PEX19: variants seen among roughly 807,000 people sequenced by gnomAD.
PEX19 encodes peroxisomal biogenesis factor 19, also known as 33 kDa housekeeping protein.
In PEX19, 29 loss-of-function variants were observed where a neutral mutation model predicts 36.3. The ratio of observed to expected loss-of-function variants is 0.80; its 90% confidence interval spans 0.60 to 1.09. The LOEUF (loss-of-function observed/expected upper bound fraction) is 1.09. Among genes scored for constraint, PEX19 ranks in the 50% least tolerant of loss-of-function variants. The pLI is 0.00. For synonymous variants in PEX19, 141 were observed against 135.2 expected (o/e 1.04, Z -0.30); for missense variants, 396 against 368.1 (o/e 1.08, Z -0.62).
chr1:160,277,873 CA>C lies in PEX19; in HGVS notation c.*1677del. On this transcript the variant is annotated 3_prime_UTR_variant, in exon 8 of 8. Transcript: ENST00000368072. Reference sequence around the variant, plus strand: ...TCTCTGGCAGAACAGAGACGTTTTACATTCAGATCTGGGCTCTTCCATGCTC... The same window carrying C: ...TCTCTGGCAGAACAGAGACGTTTTACTTCAGATCTGGGCTCTTCCATGCTC... 1 of 649,948 alleles carries C rather than the reference CA, an allele frequency of 1.5e-6. No individual in the cohort carries two copies. The highest frequency in any genetic ancestry group is 2.8e-6 in the Non-Finnish European group (1 of 354,570). The allele number at this position is 649,948 out of a possible 1,614,324, so 40.3% of individuals were successfully genotyped here.
chr1:160,279,638 G>A lies in PEX19; in HGVS notation c.817-4C>T, dbSNP rs1657690071. ...GGTCAAAGTTGAGGCCAGGAGGCTG[G>A]GGAAGAGATGAAGGGACTCAGATAG... On this transcript the variant is annotated splice_polypyrimidine_tract_variant and splice_region_variant and intron_variant, in intron 7 of 7. Transcript: ENST00000368072. The A allele has an allele frequency of 1.2e-6, 2 of 1,613,306 alleles. No homozygotes were observed. Among genetic ancestry groups the A allele is most frequent in the Non-Finnish European group, 1.7e-6 (2 of 1,179,226 alleles).
At chr1:160,282,320 G>T in intron 4 of PEX19, 97 bp downstream of exon 4, 1 of 1,411,760 alleles carries the variant, frequency 7.1e-7, no homozygotes, top group Non-Finnish European at 1.0e-6. Flanking sequence ...GACAGCAACA[G>T]ACTTGGGATG....
chr1:160,283,363 A>T (rs1657864852), intron 2 of PEX19, among the ~76,000 whole-genome samples, 167 bp downstream of exon 2: 1 of 152,206 alleles, frequency 6.6e-6, no homozygotes, highest in Admixed American at 6.5e-5. Flanking sequence ...TCCCCCACTC[A>T]ACCTCAAGTC....
At position 160,280,264 on chromosome 1, in the gene PEX19, G is replaced by C. The variant is rs371272792; in HGVS notation, c.595-18C>G. On this transcript the variant is annotated intron_variant, in intron 5 of 7. Coordinates refer to ENST00000368072, the MANE Select transcript of PEX19 (RefSeq NM_002857.4). Reference sequence around the variant, plus strand: ...TCTGGATACTAAGAAAAGAGAGAATGGGTGGAAAAGAATTAAGTGAACAAT... The same window carrying C: ...TCTGGATACTAAGAAAAGAGAGAATCGGTGGAAAAGAATTAAGTGAACAAT... 1.0e-5 allele frequency: 16 copies of C among 1,607,202 alleles called. No homozygotes were observed. Among genetic ancestry groups the C allele is most frequent in the Non-Finnish European group, 1.4e-5 (16 of 1,173,848 alleles).
rs747627762 is a variant in PEX19, at chr1:160,285,085, C to G, written c.40G>C (p.Ala14Pro). The part of the protein sequence containing the change: ...AEEGCSVGAE[A>P]DRELEELLES... ...AGAAGCTCCTCCAATTCCCTGTCCG[C>G]TTCGGCCCCGACACTACAGCCTTCC... The change falls in exon 1 of 8, where the codon GCG (alanine) becomes CCG (proline). Residue 14 changes from alanine to proline, a missense_variant. Ala to Pro is a conservative substitution (Grantham distance 27). Transcript: ENST00000368072. 76 of 1,614,104 alleles carry G rather than the reference C, an allele frequency of 4.7e-5. No individual in the cohort carries two copies. Among genetic ancestry groups the G allele is most frequent in the East Asian group, 2.0e-4 (9 of 44,880 alleles).
chr1:160,278,347 C>A lies in PEX19; in HGVS notation c.*1204G>T, dbSNP rs773301990. On this transcript the variant is annotated 3_prime_UTR_variant, in exon 8 of 8. Coordinates refer to ENST00000368072, the MANE Select transcript of PEX19 (RefSeq NM_002857.4). ...ATGGCCATCCAGTCTCCTTTGCCAA[C>A]TGAGGTGCAGACTGAGTTGTGGAAG... is the stretch of plus-strand genomic sequence containing the variant. 1.5e-6 allele frequency: 1 copy of A among 687,610 alleles called. No individual in the cohort carries two copies. Among genetic ancestry groups the A allele is most frequent in the South Asian group, 1.5e-5 (1 of 66,578 alleles). 42.6% of individuals were successfully genotyped at this position (687,610 alleles called of 1,614,324 possible).
At position 160,277,200 on chromosome 1, in the gene PEX19, T is replaced by A; in HGVS notation, c.*2351A>T. ...AGACTTGTGCTGGTCAGTGAACACC[T>A]TTTTTTTTTTTTCACCAGTCTGTGA... On this transcript the variant is annotated 3_prime_UTR_variant, in exon 8 of 8. Coordinates refer to ENST00000368072, the MANE Select transcript of PEX19 (RefSeq NM_002857.4). 4.0e-6 allele frequency: 1 copy of A among 248,940 alleles called. No homozygotes were observed. The allele number at this position is 248,940 out of a possible 1,614,324, so 15.4% of individuals were successfully genotyped here.
Position 160,282,072 on chromosome 1 carries a change from C to T in PEX19, c.561G>A (p.Val187=). The T allele has an allele frequency of 1.2e-6, 2 of 1,614,096 alleles. No homozygotes were observed. Among genetic ancestry groups the T allele is most frequent in the South Asian group, 1.1e-5 (1 of 91,086 alleles). ...TGATCTCCTTCAGTGATGGGTACAGCACATCCTTGGAGAGTAGGTTCTGCA... is the reference window on the plus strand; with the variant it reads ...TGATCTCCTTCAGTGATGGGTACAGTACATCCTTGGAGAGTAGGTTCTGCA... ...SIMQNLLSKD[V]LYPSLKEITE... The change falls in exon 5 of 8, where the codon GTG becomes GTA. Residue 187 remains valine, a synonymous_variant. Transcript: ENST00000368072.
intron 7 of PEX19, 38 bp downstream of exon 7, chr1:160,279,763 G>A (rs370618357): frequency 3.1e-6 from 5 of 1,589,492 alleles, no homozygotes; most frequent in Non-Finnish European, 2.6e-6. Flanking sequence ...GGAAATTGGG[G>A]ACTCAAATTA....
At chr1:160,282,585 G>A in intron 3 of PEX19, 83 bp from the exon 4 acceptor site, 2 of 992,150 alleles carry the variant, frequency 2.0e-6, no homozygotes, top group Non-Finnish European at 3.2e-6. Context: ...TGGATATGAA[G>A]CATTTACTAG....
intron 5 of PEX19, 136 bp from the exon 6 acceptor site, chr1:160,280,382 A>T: frequency 1.2e-6 from 1 of 820,198 alleles, no homozygotes; most frequent in Non-Finnish European, 2.1e-6. Flanking sequence ...GTTCATCATG[A>T]AAAGCGGCAC....
intron 5 of PEX19, 97 bp from the exon 6 acceptor site, chr1:160,280,343 C>T (rs986578009): frequency 6.0e-6 from 7 of 1,165,508 alleles, no homozygotes; most frequent in African/African-American, 1.5e-5. Flanking sequence ...GGGAAAGGGA[C>T]GTAGAAAAAC....
At chr1:160,280,387 C>G in intron 5 of PEX19, 141 bp from the exon 6 acceptor site, 1 of 784,296 alleles carries the variant, frequency 1.3e-6, no homozygotes, top group Non-Finnish European at 2.2e-6. Flanking sequence ...TCATGAAAAG[C>G]GGCACTGACT....
chr1:160,285,106 C>G lies in PEX19; in HGVS notation c.19G>C (p.Gly7Arg). MAAAEEGCSVGAEADRE... is the reference protein window; with the variant it reads MAAAEERCSVGAEADRE... ...TCCGCTTCGGCCCCGACACTACAGC[C>G]TTCCTCAGCGGCGGCCATCTTGCTA... is the stretch of plus-strand genomic sequence containing the variant. The change falls in exon 1 of 8, where the codon GGC becomes CGC. Residue 7 changes from glycine (G) to arginine (R), a missense_variant. Gly to Arg is a moderately radical substitution (Grantham distance 125). Transcript: ENST00000368072. The G allele has an allele frequency of 1.9e-6, 3 of 1,614,062 alleles. No individual in the cohort carries two copies. Among genetic ancestry groups the G allele is most frequent in the Non-Finnish European group, 2.5e-6 (3 of 1,179,936 alleles).
intron 5 of PEX19, chr1:160,281,420 T>G (rs989139529): frequency 6.2e-6 from 1 of 160,736 alleles, no homozygotes; most frequent in African/African-American, 2.4e-5. Context: ...TAATTCTTTT[T>G]CTTTTTCAGA....
rs1421255769 is a variant in PEX19, at chr1:160,279,164, A to G, written c.*387T>C. On this transcript the variant is annotated 3_prime_UTR_variant, in exon 8 of 8. Transcript: ENST00000368072. ...CCAGGTCTCTGCCCCTCCTCCCCAG[A>G]TCCAAGAGAGGGAGTAGAGACAAGG... The G allele has an allele frequency of 2.2e-6, 1 of 456,788 alleles. No homozygotes were observed. Among genetic ancestry groups the G allele is most frequent in the Non-Finnish European group, 4.4e-6 (1 of 228,582 alleles). The allele number at this position is 456,788 out of a possible 1,614,324, so 28.3% of individuals were successfully genotyped here. A position where few individuals can be genotyped will look rare whatever the true frequency, so the allele number is the denominator to read the frequency against.
chr1:160,284,017 T>A (rs1454833196), intron 1 of PEX19: 2 of 462,962 alleles, frequency 4.3e-6, no homozygotes, highest in South Asian at 1.6e-5. Flanking sequence ...GATGTCCTCA[T>A]CCCTCTGAAC....
chr1:160,283,431 C>A, intron 2 of PEX19, 99 bp downstream of exon 2: 1 of 833,656 alleles, frequency 1.2e-6, no homozygotes, highest in South Asian at 1.7e-5. Context: ...GCCAAGGTAC[C>A]CTCCCACATT....
chr1:160,284,991 CT>C, intron 1 of PEX19, 63 bp downstream of exon 1: 2 of 1,200,452 alleles, frequency 1.7e-6, no homozygotes, highest in Admixed American at 3.4e-5. Context: ...CTCAGGTTCA[CT>C]TAACCCCCAG....
Sources: gnomAD v4.1 joint callset for allele counts (sites outside exome capture counted in the v4.1 genomes callset) on GRCh38, gnomAD v4.1.1 for gene constraint, MANE v1.5 for transcripts, NCBI Gene and HGNC (gene_info 2026-07-23, HGNC 2026-07-21) for gene names.